Variants in RBFOX1 observed in about 807,000 individuals in gnomAD.
RBFOX1 encodes the protein RNA binding fox-1 homolog 1, also known as RNA binding protein fox-1 homolog 1.
RBFOX1 carries 8 observed loss-of-function variants against 57.7 expected under a neutral mutation model. The ratio of observed to expected loss-of-function variants is 0.14; its 90% CI spans 0.08 to 0.25. The LOEUF is 0.25. RBFOX1 is among the 10% of genes least tolerant of loss of function. The pLI is 1.00. For synonymous variants in RBFOX1, 326 were observed against 222.4 expected (o/e 1.47, Z -4.15); for missense variants, 611 against 548.5 (o/e 1.11, Z -1.14).
intron 1 of RBFOX1, among the ~76,000 whole-genome samples, chr16:5,425,339 C>A (rs1348621739): frequency 6.6e-6 from 1 of 152,094 alleles, no homozygotes; most frequent in Non-Finnish European, 1.5e-5. Flanking sequence ...CTCCTGACCT[C>A]ATGATCCGCC....
chr16:7,351,315 A>G (rs2097126318), intron 4 of RBFOX1, among the ~76,000 whole-genome samples: 2 of 152,274 alleles, frequency 1.3e-5, no homozygotes, highest in Admixed American at 1.3e-4. Context: ...TAGAAAGGTT[A>G]TTACGCATTG....
At chr16:5,610,815 C>G (rs1328381989) in intron 3 of RBFOX1, 2 of 152,264 alleles carry the variant, frequency 1.3e-5, no homozygotes, top group African/African-American at 4.8e-5. Context: ...CTGCAGTAAG[C>G]TATGATTGCA....
At chr16:6,923,453 A>T (rs1432537100) in intron 3 of RBFOX1, among the ~76,000 whole-genome samples, 1 of 152,198 alleles carries the variant, frequency 6.6e-6, no homozygotes, top group African/African-American at 2.4e-5. Context: ...GAGTTGCTGG[A>T]AACCGGGAGG....
At chr16:5,888,010 G>A (rs1002374807) in intron 4 of RBFOX1, among the ~76,000 whole-genome samples, 2 of 152,166 alleles carry the variant, frequency 1.3e-5, no homozygotes, top group Admixed American at 1.3e-4. Flanking sequence ...CTGCAATACT[G>A]TCTTCCTATA....
At chr16:5,535,661 G>T (rs1164200227) in intron 2 of RBFOX1, among the ~76,000 whole-genome samples, 1 of 152,124 alleles carries the variant, frequency 6.6e-6, no homozygotes, top group Non-Finnish European at 1.5e-5. Flanking sequence ...GTTTCGGTCT[G>T]TTTCTTGATT....
chr16:6,082,526 A>G (rs1029790063), intron 1 of RBFOX1, among the ~76,000 whole-genome samples: 2 of 151,728 alleles, frequency 1.3e-5, no homozygotes, highest in Non-Finnish European at 2.9e-5. Flanking sequence ...GTAGGACAGC[A>G]AAGATGCTTG....
intron 2 of RBFOX1, among the ~76,000 whole-genome samples, chr16:6,557,097 A>G (rs2097113455): frequency 6.9e-6 from 1 of 145,752 alleles, no homozygotes; most frequent in South Asian, 2.1e-4. Context: ...ACATATACAT[A>G]TATACATACA....
At position 6,288,084 on chromosome 16, in the gene RBFOX1, A is replaced by G. The variant is rs533777739; in HGVS notation, c.-126-28911A>G. On this transcript the variant is annotated intron_variant, in intron 1 of 15. Transcript: ENST00000550418. Reference sequence around the variant, plus strand: ...CATGTTCCACTTTGTGACTTGATGTAACTCTTAGCTGCGTGCAGCATCCAG... The same window carrying G: ...CATGTTCCACTTTGTGACTTGATGTGACTCTTAGCTGCGTGCAGCATCCAG... Among the ~76,000 whole-genome samples, 42 of 152,318 alleles carry G rather than the reference A, an allele frequency of 2.8e-4. 1 individual carries two copies. In the South Asian group the frequency reaches 7.0e-3, roughly 26 times the overall value.
intron 1 of RBFOX1, among the ~76,000 whole-genome samples, chr16:5,257,586 C>G (rs2062620252): frequency 6.6e-6 from 1 of 152,192 alleles, no homozygotes; most frequent in East Asian, 1.9e-4. Flanking sequence ...GCCAGCCTGT[C>G]TCTGGCGCTG....
At chr16:6,034,904 C>T (rs1160933620) in intron 1 of RBFOX1, among the ~76,000 whole-genome samples, 1 of 152,042 alleles carries the variant, frequency 6.6e-6, no homozygotes, top group East Asian at 1.9e-4. Flanking sequence ...GCTCAGGAGT[C>T]ACACTCAGGG....
chr16:6,414,332 C>G (rs1332631403), intron 2 of RBFOX1, among the ~76,000 whole-genome samples: 2 of 152,158 alleles, frequency 1.3e-5, no homozygotes, highest in Non-Finnish European at 2.9e-5. Context: ...GTCCTCTTCT[C>G]TGGGATTATG....
intron 3 of RBFOX1, among the ~76,000 whole-genome samples, chr16:5,807,592 C>G (rs7201810): frequency 0.036 from 5,425 of 152,242 alleles, 297 homozygotes; most frequent in African/African-American, 0.12. Flanking sequence ...GGTAACCACA[C>G]AAGTGTATAA....
At chr16:6,583,582 C>G (rs1379355305) in intron 2 of RBFOX1, among the ~76,000 whole-genome samples, 1 of 152,220 alleles carries the variant, frequency 6.6e-6, no homozygotes, top group Non-Finnish European at 1.5e-5. Context: ...TTACCTGTCG[C>G]CTTTTTAACT....
At chr16:5,807,981 C>T (rs1378373909) in intron 3 of RBFOX1, among the ~76,000 whole-genome samples, 2 of 152,180 alleles carry the variant, frequency 1.3e-5, no homozygotes, top group Non-Finnish European at 2.9e-5. Context: ...TTCCTCCTTC[C>T]TTCTTGCTGT....
intron 2 of RBFOX1, among the ~76,000 whole-genome samples, chr16:6,642,966 T>C (rs2098504551): frequency 1.3e-5 from 2 of 152,198 alleles, no homozygotes; most frequent in Non-Finnish European, 2.9e-5. Flanking sequence ...TCAGGTGAAA[T>C]AGCTCTTACA....
chr16:7,091,746 T>G (rs1174459751), intron 4 of RBFOX1, among the ~76,000 whole-genome samples: 2 of 152,198 alleles, frequency 1.3e-5, no homozygotes, highest in Non-Finnish European at 2.9e-5. Context: ...GAATTCTGCA[T>G]TTTCTTTCCT....
At chr16:5,242,263 G>A (rs570533701) in intron 1 of RBFOX1, among the ~76,000 whole-genome samples, 2 of 152,330 alleles carry the variant, frequency 1.3e-5, no homozygotes, top group South Asian at 4.1e-4. Context: ...TTGGTCCACA[G>A]AGGGAAATGT....
intron 3 of RBFOX1, among the ~76,000 whole-genome samples, chr16:6,791,121 G>A (rs1057477696): frequency 2.0e-5 from 3 of 151,954 alleles, no homozygotes; most frequent in African/African-American, 7.3e-5. Flanking sequence ...TGGCTAGGCT[G>A]ATCTCAAACT....
intron 1 of RBFOX1, among the ~76,000 whole-genome samples, chr16:5,244,888 C>G (rs1027453510): frequency 3.9e-5 from 6 of 152,210 alleles, no homozygotes; most frequent in African/African-American, 1.2e-4. Context: ...GGAAGCAAGT[C>G]TTACTGTGCT....
Sources: gnomAD v4.1 joint callset for allele counts (sites outside exome capture counted in the v4.1 genomes callset) on GRCh38, gnomAD v4.1.1 for gene constraint, MANE v1.5 for transcripts, NCBI Gene and HGNC (gene_info 2026-07-23, HGNC 2026-07-21) for gene names.